Variants in STS observed in about 807,000 individuals in gnomAD.
STS encodes the protein steryl-sulfatase.
A neutral mutation model predicts 26.8 loss-of-function variants in STS; 7 were observed. That is an observed-to-expected ratio of 0.26 (90% CI 0.15 to 0.49). STS has a LOEUF of 0.49. Among genes scored for constraint, STS ranks in the 20% least tolerant of loss-of-function variants. STS has a pLI of 0.98. For synonymous variants in STS, 199 were observed against 189.4 expected (o/e 1.05, Z -0.42); for missense variants, 434 against 465.6 (o/e 0.93, Z 0.63).
rs554631250 is a variant in STS at position 7,227,942 on chromosome X, A to G, written c.-4-25254A>G. ...TCGTATGAATTTAGCTACTTTAGAT[A>G]CCTCCTGTAAGTGGAATCATACAGA... On this transcript the variant is annotated intron_variant, in intron 2 of 10. Transcript: ENST00000674429. 1.5e-4 allele frequency among the ~76,000 whole-genome samples: 17 copies of G among 111,086 alleles called. No homozygotes were observed. The South Asian group carries it at 5.8e-3, about 38-fold the overall frequency.
rs1928852507 is a variant in STS at position 7,352,656 on chromosome X, T to A, written c.*2395T>A. 1 of 111,697 alleles carries A rather than the reference T, an allele frequency of 9.0e-6. No homozygotes were observed. Among genetic ancestry groups the A allele is most frequent in the African/African-American group, 3.3e-5 (1 of 30,762 alleles). 9.2% of individuals were successfully genotyped at this position (111,697 alleles called of 1,213,427 possible). A position where few individuals can be genotyped will look rare whatever the true frequency, so the allele number is the denominator to read the frequency against. ...GGCATGGCTGCTTGTTTACAAAGCATCTCATTCATATTACCTGTGGAGTTG... is the reference window on the plus strand; with the variant it reads ...GGCATGGCTGCTTGTTTACAAAGCAACTCATTCATATTACCTGTGGAGTTG... On this transcript the variant is annotated 3_prime_UTR_variant, in exon 11 of 11. Transcript: ENST00000674429.
At chrX:7,299,910 G>A (rs1007726730) in intron 7 of STS, among the ~76,000 whole-genome samples, 5 of 111,641 alleles carry the variant, frequency 4.5e-5, no homozygotes, top group Non-Finnish European at 5.6e-5. Flanking sequence ...GTCCTATGCT[G>A]TGGCACCTCA....
intron 8 of STS, among the ~76,000 whole-genome samples, chrX:7,314,492 C>T (rs1455885004): frequency 8.9e-6 from 1 of 112,253 alleles, no homozygotes; most frequent in African/African-American, 3.2e-5. Flanking sequence ...TTAGTGAACA[C>T]CCTGAAAATG....
intron 2 of STS, among the ~76,000 whole-genome samples, chrX:7,216,151 A>G (rs762310087): frequency 2.7e-5 from 3 of 111,883 alleles, no homozygotes; most frequent in Non-Finnish European, 5.6e-5. Context: ...TTGCAACCTA[A>G]CAGTGATACA....
intron 1 of STS, among the ~76,000 whole-genome samples, chrX:7,167,507 C>T (rs1225941842): frequency 4.5e-5 from 5 of 111,835 alleles, no homozygotes; most frequent in African/African-American, 6.5e-5. Flanking sequence ...TGAGCCACCG[C>T]GCCCAGCCCA....
intron 2 of STS, among the ~76,000 whole-genome samples, chrX:7,240,515 GTGTGTGTGTGTGTGTGTGTATA>G (rs1353445250): frequency 7.3e-5 from 1 of 13,752 alleles, no homozygotes. Flanking sequence ...GTGTGTGTGT[GTGTGTGTGTGTGTGTGTGTATA>G]TATATATATA....
At chrX:7,176,535 G>A (rs1327027762) in intron 1 of STS, among the ~76,000 whole-genome samples, 1 of 111,672 alleles carries the variant, frequency 9.0e-6, no homozygotes, top group South Asian at 3.8e-4. Context: ...CTGCTGTGAA[G>A]AAATACCCAA....
At chrX:7,296,016 G>A (rs1216925628) in intron 7 of STS, among the ~76,000 whole-genome samples, 1 of 111,520 alleles carries the variant, frequency 9.0e-6, no homozygotes, top group African/African-American at 3.3e-5. Context: ...CGATGGTGTG[G>A]TAGAGCATCA....
At chrX:7,239,630 A>C (rs1395926526) in intron 2 of STS, among the ~76,000 whole-genome samples, 1 of 111,835 alleles carries the variant, frequency 8.9e-6, no homozygotes, top group Non-Finnish European at 1.9e-5. Context: ...TGCCAAATTA[A>C]GTTTGTTCAG....
intron 2 of STS, among the ~76,000 whole-genome samples, chrX:7,250,167 G>C (rs990838986): frequency 9.1e-5 from 10 of 110,378 alleles, no homozygotes; most frequent in African/African-American, 3.3e-4. Context: ...AGCTCCCCCA[G>C]TCCTCCCTGC....
intron 1 of STS, among the ~76,000 whole-genome samples, chrX:7,183,505 C>T (rs1320128354): frequency 8.9e-6 from 1 of 112,144 alleles, no homozygotes; most frequent in African/African-American, 3.2e-5. Context: ...GAATTTGAGC[C>T]TCACTGTGCC....
chrX:7,227,796 T>C (rs1341562258), intron 2 of STS, among the ~76,000 whole-genome samples: 3 of 111,950 alleles, frequency 2.7e-5, no homozygotes, highest in African/African-American at 9.7e-5. Context: ...GCTGATACAA[T>C]GTTTGACTGC....
chrX:7,320,266 C>T (rs1298728553), intron 8 of STS, among the ~76,000 whole-genome samples: 1 of 105,888 alleles, frequency 9.4e-6, no homozygotes, highest in Non-Finnish European at 1.9e-5. Flanking sequence ...TTTCACCCAG[C>T]TATCTGCAAT....
chrX:7,196,514 A>G, intron 2 of STS, among the ~76,000 whole-genome samples: 1 of 22,247 alleles, frequency 4.5e-5, no homozygotes. Flanking sequence ...TACTGATGTA[A>G]AAAAAAAAAG....
At chrX:7,250,647 G>A (rs761913085) in intron 2 of STS, among the ~76,000 whole-genome samples, 4 of 112,102 alleles carry the variant, frequency 3.6e-5, no homozygotes, top group Admixed American at 1.9e-4. Flanking sequence ...TGGCAAAAAT[G>A]GTTTCACGTA....
At chrX:7,315,085 G>T (rs1413520980) in intron 8 of STS, among the ~76,000 whole-genome samples, 1 of 112,265 alleles carries the variant, frequency 8.9e-6, no homozygotes, top group Non-Finnish European at 1.9e-5. Flanking sequence ...TTCACCTATA[G>T]GCTTCTGTTT....
chrX:7,283,589 C>T (rs1212705050), intron 7 of STS, among the ~76,000 whole-genome samples: 1 of 110,813 alleles, frequency 9.0e-6, no homozygotes, highest in African/African-American at 3.3e-5. Flanking sequence ...GCTTGGAGAC[C>T]ATGAATTGGG....
intron 10 of STS, among the ~76,000 whole-genome samples, chrX:7,343,321 TAGC>T (rs1928375895): frequency 8.9e-6 from 1 of 111,809 alleles, no homozygotes; most frequent in African/African-American, 3.3e-5. Flanking sequence ...TAAGAATCCT[TAGC>T]AGAAAAAAAA....
intron 6 of STS, among the ~76,000 whole-genome samples, chrX:7,272,514 G>A (rs1244514687): frequency 2.7e-5 from 3 of 111,627 alleles, no homozygotes; most frequent in Non-Finnish European, 3.8e-5. Flanking sequence ...TAGAGCAACC[G>A]TTACATAAAC....
Sources: gnomAD v4.1 joint callset for allele counts (sites outside exome capture counted in the v4.1 genomes callset) on GRCh38, gnomAD v4.1.1 for gene constraint, MANE v1.5 for transcripts, NCBI Gene and HGNC (gene_info 2026-07-23, HGNC 2026-07-21) for gene names.